The following PLCL1 variants were observed in gnomAD, a reference collection of about 807,000 sequenced individuals.
PLCL1 encodes the protein phospholipase C like 1 (inactive).
PLCL1 carries 41 observed loss-of-function variants against 84.4 expected under a neutral mutation model. That is an observed-to-expected ratio of 0.49 (90% CI 0.38 to 0.63). The LOEUF (loss-of-function observed/expected upper bound fraction) is 0.63. PLCL1 is among the 30% of genes least tolerant of loss of function. The pLI is 0.00. For synonymous variants in PLCL1, 490 were observed against 488.3 expected (o/e 1.00, Z -0.05); for missense variants, 1,206 against 1,367.8 (o/e 0.88, Z 1.87).
chr2:197,964,162 G>T (rs1689679184), intron 1 of PLCL1, among the ~76,000 whole-genome samples: 1 of 152,020 alleles, frequency 6.6e-6, no homozygotes, highest in African/African-American at 2.4e-5. Context: ...GATAGAGATG[G>T]CATTGAATCT....
chr2:197,983,558 T>A (rs954965442), intron 1 of PLCL1, among the ~76,000 whole-genome samples: 6 of 152,148 alleles, frequency 3.9e-5, no homozygotes, highest in African/African-American at 1.2e-4. Flanking sequence ...TATAAAAGGT[T>A]TATTAGCATA....
intron 1 of PLCL1, among the ~76,000 whole-genome samples, chr2:197,951,267 CA>C (rs1347326921): frequency 2.0e-5 from 3 of 152,152 alleles, no homozygotes; most frequent in African/African-American, 7.2e-5. Flanking sequence ...GCCCTTCCTC[CA>C]GCCTTTCTTC....
At chr2:197,811,023 T>G (rs1396072033) in intron 1 of PLCL1, among the ~76,000 whole-genome samples, 1 of 152,212 alleles carries the variant, frequency 6.6e-6, no homozygotes, top group Non-Finnish European at 1.5e-5. Flanking sequence ...TAAACTTTAT[T>G]ATAGTGAAAC....
chr2:198,078,812 G>C (rs1044669310), intron 1 of PLCL1, among the ~76,000 whole-genome samples: 1 of 152,042 alleles, frequency 6.6e-6, no homozygotes, highest in Non-Finnish European at 1.5e-5. Context: ...CTTGGGCTTG[G>C]TATTTCCTTT....
chr2:198,041,103 A>G (rs1237133551), intron 1 of PLCL1, among the ~76,000 whole-genome samples: 1 of 152,182 alleles, frequency 6.6e-6, no homozygotes, highest in Non-Finnish European at 1.5e-5. Context: ...CTTAATCCTC[A>G]TATAGATCAG....
chr2:197,897,170 TCTTCTTCTTCTTCTTCTTCTC>T (rs1390704183), intron 1 of PLCL1, among the ~76,000 whole-genome samples: 14 of 47,700 alleles, frequency 2.9e-4, no homozygotes, highest in African/African-American at 5.9e-4. Flanking sequence ...TTCTTCTTCT[TCTTCTTCTTCTTCTTCTTCTC>T]CTTCTCCTTC....
chr2:197,868,671 A>ATT (rs1003518323), intron 1 of PLCL1, among the ~76,000 whole-genome samples: 1 of 138,692 alleles, frequency 7.2e-6, no homozygotes, highest in African/African-American at 2.6e-5. Context: ...GGCTAATTGA[A>ATT]TTTTTTTTTT....
chr2:198,031,659 C>CTTTTTTTTTTTTT (rs5837577), intron 1 of PLCL1, among the ~76,000 whole-genome samples: 1 of 103,826 alleles, frequency 9.6e-6, no homozygotes, highest in African/African-American at 3.8e-5. Context: ...ATGGCCAGTG[C>CTTTTTTTTTTTTT]TTTTTTTTTT....
intron 1 of PLCL1, among the ~76,000 whole-genome samples, chr2:198,018,374 G>A (rs112922254): frequency 0.14 from 21,215 of 152,030 alleles, 1,884 homozygotes; most frequent in East Asian, 0.26. Context: ...GAACACCAGC[G>A]AGACAGAACC....
chr2:198,023,436 AGAAAC>A (rs1691187585), intron 1 of PLCL1, among the ~76,000 whole-genome samples: 1 of 152,250 alleles, frequency 6.6e-6, no homozygotes, highest in Non-Finnish European at 1.5e-5. Context: ...GCACAGCAAA[AGAAAC>A]TGTCATCAGA....
chr2:198,043,611 G>A (rs1691718682), intron 1 of PLCL1, among the ~76,000 whole-genome samples: 1 of 152,192 alleles, frequency 6.6e-6, no homozygotes, highest in Non-Finnish European at 1.5e-5. Context: ...AGAATCAGGT[G>A]GAGGTTCATA....
At chr2:197,911,435 T>C (rs912025880) in intron 1 of PLCL1, among the ~76,000 whole-genome samples, 1 of 152,244 alleles carries the variant, frequency 6.6e-6, no homozygotes, top group African/African-American at 2.4e-5. Context: ...CCTTTTATAT[T>C]TGAGGGAATA....
chr2:197,953,678 CA>C (rs1689431466), intron 1 of PLCL1, among the ~76,000 whole-genome samples: 1 of 151,972 alleles, frequency 6.6e-6, no homozygotes, highest in Non-Finnish European at 1.5e-5. Flanking sequence ...ATTAATATAT[CA>C]GTAATGAACA....
At chr2:198,064,018 T>G (rs2105879640) in intron 1 of PLCL1, among the ~76,000 whole-genome samples, 1 of 152,308 alleles carries the variant, frequency 6.6e-6, no homozygotes, top group South Asian at 2.1e-4. Context: ...GTAATCATTA[T>G]AGTACATAGC....
At chr2:197,812,476 TTAA>T (rs1306930367) in intron 1 of PLCL1, among the ~76,000 whole-genome samples, 4 of 152,224 alleles carry the variant, frequency 2.6e-5, no homozygotes, top group Admixed American at 6.5e-5. Context: ...TTTTGACTTC[TTAA>T]TAATAGCCAT....
At chr2:197,830,686 A>C (rs1207907511) in intron 1 of PLCL1, among the ~76,000 whole-genome samples, 1 of 152,048 alleles carries the variant, frequency 6.6e-6, no homozygotes, top group Non-Finnish European at 1.5e-5. Context: ...ACAAAGATAC[A>C]CCTCGAGAAG....
At chr2:197,985,824 G>C (rs751041137) in intron 1 of PLCL1, among the ~76,000 whole-genome samples, 1 of 152,186 alleles carries the variant, frequency 6.6e-6, no homozygotes, top group East Asian at 1.9e-4. Context: ...TTGATATTAT[G>C]AAGTGTTGTG....
intron 3 of PLCL1, 21 bp downstream of exon 3, chr2:198,089,082 A>AT (rs771212706): frequency 5.7e-6 from 9 of 1,575,108 alleles, no homozygotes; most frequent in Middle Eastern, 1.7e-4. Context: ...GCGACTCCAT[A>AT]TTTTTTTACG....
chr2:197,827,207 C>T (rs1690948162), intron 1 of PLCL1, among the ~76,000 whole-genome samples: 1 of 152,148 alleles, frequency 6.6e-6, no homozygotes, highest in Admixed American at 6.6e-5. Context: ...TTTTTGATGA[C>T]TTCTCATTGT....
Sources: gnomAD v4.1 joint callset for allele counts (sites outside exome capture counted in the v4.1 genomes callset) on GRCh38, gnomAD v4.1.1 for gene constraint, MANE v1.5 for transcripts, NCBI Gene and HGNC (gene_info 2026-07-23, HGNC 2026-07-21) for gene names.